CREB3L2: variants seen among roughly 807,000 people sequenced by gnomAD.
CREB3L2 encodes the protein cyclic AMP-responsive element-binding protein 3-like protein 2.
In CREB3L2, 23 loss-of-function variants were observed where a neutral mutation model predicts 57.2. That is an observed-to-expected ratio of 0.40 (90% CI 0.29 to 0.57). CREB3L2 has a LOEUF of 0.57. Among genes scored for constraint, CREB3L2 ranks in the 20% least tolerant of loss-of-function variants. The pLI, the probability that CREB3L2 is intolerant of heterozygous loss-of-function variation, is 0.42. For synonymous variants in CREB3L2, 268 were observed against 265.1 expected, an observed-to-expected ratio of 1.01 and a Z score of -0.11; for missense variants, 628 against 634.7, an observed-to-expected ratio of 0.99 and a Z score of 0.11.
intron 1 of CREB3L2, among the ~76,000 whole-genome samples, chr7:137,966,097 T>A (rs1041064106): frequency 2.6e-5 from 4 of 152,076 alleles, no homozygotes; most frequent in Admixed American, 2.0e-4. Context: ...ATCAAGGACT[T>A]AGGTGAACAG....
At position 137,980,664 on chromosome 7, in the gene CREB3L2, G is replaced by T. The variant is rs1483209535; in HGVS notation, c.102+20940C>A. On this transcript the variant is annotated intron_variant, in intron 1 of 11. Coordinates refer to ENST00000330387, the MANE Select transcript of CREB3L2 (RefSeq NM_194071.4). The surrounding 1 kb of genome is among the most constrained non-coding windows in gnomAD (Gnocchi z 4.3). ...CCCAGGCTCCTAAAATACATGACAT[G>T]GGATTTCTCCATACAGGCTCCAAAG... Among the ~76,000 whole-genome samples the T allele has an allele frequency of 6.6e-6, 1 of 152,182 alleles. No homozygotes were observed. The highest frequency in any genetic ancestry group is 2.4e-5 in the African/African-American group (1 of 41,430).
At chr7:137,960,796 A>C (rs1235523288) in intron 1 of CREB3L2, among the ~76,000 whole-genome samples, 1 of 148,032 alleles carries the variant, frequency 6.8e-6, no homozygotes, top group Non-Finnish European at 1.5e-5. Flanking sequence ...TTAAACTTAA[A>C]ACTAAATTAT....
At chr7:137,970,547 G>A (rs1328780377) in intron 1 of CREB3L2, among the ~76,000 whole-genome samples, 1 of 123,284 alleles carries the variant, frequency 8.1e-6, no homozygotes, top group African/African-American at 3.0e-5. Context: ...GCAACTGTAA[G>A]AAGGAAAAAT....
At chr7:137,909,952 A>T (rs545684838) in intron 4 of CREB3L2, among the ~76,000 whole-genome samples, 2 of 152,156 alleles carry the variant, frequency 1.3e-5, no homozygotes, top group African/African-American at 4.8e-5. Context: ...CATTTTCTCT[A>T]TTGCCTGACG....
At chr7:137,927,127 G>C (rs6950469) in intron 2 of CREB3L2, among the ~76,000 whole-genome samples, 83,051 of 151,568 alleles carry the variant, frequency 0.55, 24,711 homozygotes, top group African/African-American at 0.79. Flanking sequence ...CCACTGAACT[G>C]TAGCCTGGAT....
chr7:137,908,783 G>C (rs879618279), intron 4 of CREB3L2, among the ~76,000 whole-genome samples: 1 of 152,154 alleles, frequency 6.6e-6, no homozygotes, highest in African/African-American at 2.4e-5. Flanking sequence ...TGACCAGCCT[G>C]ACCAACATGG....
chr7:137,903,701 T>C (rs1350304945), intron 7 of CREB3L2, among the ~76,000 whole-genome samples: 1 of 152,214 alleles, frequency 6.6e-6, no homozygotes, highest in African/African-American at 2.4e-5. Flanking sequence ...TGAAAAGAAG[T>C]CTGTGAGGAC....
intron 1 of CREB3L2, among the ~76,000 whole-genome samples, chr7:137,989,438 T>TG (rs1801848794): frequency 6.7e-6 from 1 of 149,712 alleles, no homozygotes; most frequent in Admixed American, 6.7e-5. Flanking sequence ...TCCAGTTTTT[T>TG]TTTTTTTTTT....
At chr7:137,950,459 AG>A in intron 1 of CREB3L2, among the ~76,000 whole-genome samples, 1 of 152,338 alleles carries the variant, frequency 6.6e-6, no homozygotes, top group South Asian at 2.1e-4. Context: ...CATAAATGTA[AG>A]GTGATATTAT....
intron 8 of CREB3L2, among the ~76,000 whole-genome samples, chr7:137,894,089 A>C (rs1799572933): frequency 6.6e-6 from 1 of 152,196 alleles, no homozygotes; most frequent in Admixed American, 6.5e-5. Context: ...CAAGATGGAA[A>C]GGCTCTCACT....
chr7:137,922,388 A>ATATATATACG (rs1800313436), intron 2 of CREB3L2, among the ~76,000 whole-genome samples: 3 of 19,416 alleles, frequency 1.5e-4, no homozygotes, highest in Non-Finnish European at 2.7e-4. Context: ...ATATATGTAT[A>ATATATATACG]TATATATATA....
At chr7:137,951,090 C>A in intron 1 of CREB3L2, among the ~76,000 whole-genome samples, 1 of 152,212 alleles carries the variant, frequency 6.6e-6, no homozygotes, top group East Asian at 1.9e-4. Flanking sequence ...AAAAAGGGCA[C>A]ACTCTGCCTT....
intron 1 of CREB3L2, among the ~76,000 whole-genome samples, chr7:137,987,223 T>C (rs568605093): frequency 6.6e-6 from 1 of 152,292 alleles, no homozygotes; most frequent in South Asian, 2.1e-4. Context: ...ACAAAAAATA[T>C]ATACTGTTTC....
chr7:137,992,018 T>G (rs1049454661), intron 1 of CREB3L2, among the ~76,000 whole-genome samples: 3 of 151,726 alleles, frequency 2.0e-5, no homozygotes, highest in African/African-American at 4.8e-5. Context: ...GAATAACCCA[T>G]CTCAATTCTT....
At position 137,976,816 on chromosome 7, in the gene CREB3L2, G is replaced by A. The variant is rs142759857; in HGVS notation, c.102+24788C>T. ...CAAATGTGCAACCAAAGGGATAGGG[G>A]AGAATGCTTCTGCCTCCCATGAGCC... On this transcript the variant is annotated intron_variant, in intron 1 of 11. Coordinates refer to ENST00000330387, the MANE Select transcript of CREB3L2 (RefSeq NM_194071.4). Among the ~76,000 whole-genome samples, 609 of 152,334 alleles carry A rather than the reference G, an allele frequency of 4.0e-3. 5 individuals carry two copies. The highest frequency in any genetic ancestry group is 0.014 in the African/African-American group (564 of 41,578).
rs1799130988 is a variant in CREB3L2 at position 137,875,576 on chromosome 7, A to C, written c.*4900T>G. The C allele has an allele frequency of 4.5e-6, 1 of 224,240 alleles. No individual in the cohort carries two copies. The highest frequency in any genetic ancestry group is 8.9e-6 in the Non-Finnish European group (1 of 112,390). The allele number at this position is 224,240 out of a possible 1,614,324, so 13.9% of individuals were successfully genotyped here. On this transcript the variant is annotated 3_prime_UTR_variant, in exon 12 of 12. Coordinates refer to ENST00000330387, the MANE Select transcript of CREB3L2 (RefSeq NM_194071.4). The stretch of plus-strand genomic sequence containing the variant: ...CACCTGGGGGACTGCTCCAGCACGA[A>C]GGGAAGCGATGAGCATCACACAGCA...
At chr7:137,975,099 T>G (rs1019473741) in intron 1 of CREB3L2, among the ~76,000 whole-genome samples, 3 of 152,218 alleles carry the variant, frequency 2.0e-5, no homozygotes, top group Non-Finnish European at 4.4e-5. Context: ...ATGAATATCT[T>G]TTATAAACCG....
intron 7 of CREB3L2, 118 bp from the exon 8 acceptor site, chr7:137,901,540 T>G (rs1194408368): frequency 1.5e-5 from 9 of 589,478 alleles, no homozygotes; most frequent in Non-Finnish European, 2.1e-5. Flanking sequence ...TGCCACCCCA[T>G]GGAAGTGTGG....
chr7:137,915,618 G>T (rs1444480024), intron 3 of CREB3L2, among the ~76,000 whole-genome samples: 1 of 152,060 alleles, frequency 6.6e-6, no homozygotes, highest in Non-Finnish European at 1.5e-5. Context: ...AATCAGCTTA[G>T]CTACTAATTT....
Sources: allele counts gnomAD v4.1 joint callset (sites outside exome capture counted in the v4.1 genomes callset), GRCh38; gene constraint gnomAD v4.1.1; non-coding constraint Gnocchi (gnomAD v3.1); transcripts MANE v1.5; gene names NCBI Gene and HGNC (gene_info 2026-07-23, HGNC 2026-07-21).